Variants in PTPRR observed in about 807,000 individuals in gnomAD.
PTPRR encodes the protein protein tyrosine phosphatase receptor type R, also known as receptor-type tyrosine-protein phosphatase R.
A neutral mutation model predicts 77.2 loss-of-function variants in PTPRR; 38 were observed. That is an observed-to-expected ratio of 0.49 (90% CI 0.38 to 0.65). The LOEUF (loss-of-function observed/expected upper bound fraction) is 0.65, where lower values mean the gene tolerates loss of function less well. PTPRR is among the 30% of genes least tolerant of loss of function. PTPRR has a pLI of 0.00. For synonymous variants in PTPRR, 299 were observed against 283.1 expected, an observed-to-expected ratio of 1.06 and a Z score of -0.57; for missense variants, 744 against 799.2, an observed-to-expected ratio of 0.93 and a Z score of 0.83.
At position 70,843,744 on chromosome 12, in the gene PTPRR, T is replaced by C. The variant is rs191777405; in HGVS notation, c.357+48935A>G. ...TAATATGATTACCAAAAGTGGATTG[T>C]TGTTATTTCTATGAAAATTAAGTTG... On this transcript the variant is annotated intron_variant, in intron 2 of 13. Coordinates refer to ENST00000283228, the MANE Select transcript of PTPRR (RefSeq NM_002849.4). 1.7e-3 allele frequency among the ~76,000 whole-genome samples: 255 copies of C among 152,248 alleles called. 1 individual carries two copies. Among genetic ancestry groups the C allele is most frequent in the African/African-American group, 5.8e-3 (241 of 41,546 alleles).
chr12:70,685,455 C>T (rs1887827504), intron 8 of PTPRR, among the ~76,000 whole-genome samples: 1 of 100,306 alleles, frequency 1.0e-5, no homozygotes, highest in South Asian at 3.7e-4. Context: ...GCCTAGGCAA[C>T]ATAGTGAGAC....
At chr12:70,754,693 G>A (rs1177551681) in intron 4 of PTPRR, 11 of 1,595,894 alleles carry the variant, frequency 6.9e-6, no homozygotes, top group East Asian at 6.7e-5. Context: ...CCTGGATTAC[G>A]TGCTGTACTA....
chr12:70,916,147 TG>T (rs1426510176), intron 1 of PTPRR, among the ~76,000 whole-genome samples: 1 of 151,934 alleles, frequency 6.6e-6, no homozygotes, highest in Non-Finnish European at 1.5e-5. Context: ...ATCTGGGTGA[TG>T]GGGGGAAGGG....
At chr12:70,853,243 TC>T (rs1434608959) in intron 2 of PTPRR, among the ~76,000 whole-genome samples, 1 of 152,230 alleles carries the variant, frequency 6.6e-6, no homozygotes, top group African/African-American at 2.4e-5. Flanking sequence ...TAAGAAAGGT[TC>T]TGCTATAATT....
chr12:70,783,388 T>C (rs976234486), intron 2 of PTPRR, among the ~76,000 whole-genome samples: 1 of 151,988 alleles, frequency 6.6e-6, no homozygotes, highest in Non-Finnish European at 1.5e-5. Context: ...TAGCTGGTAG[T>C]CCCATCTTCC....
In PTPRR at chr12:70,723,712, T is replaced by C. The variant is rs192116323; in HGVS notation, c.1007+22106A>G. ...AAGCATCAACAAATTTACCTTTTTG[T>C]TTTTTTTAAAGATTTTTCTTATTTC... On this transcript the variant is annotated intron_variant, in intron 6 of 13. Coordinates refer to ENST00000283228, the MANE Select transcript of PTPRR (RefSeq NM_002849.4). Among the ~76,000 whole-genome samples the C allele has an allele frequency of 3.2e-3, 491 of 152,042 alleles. 1 individual carries two copies. Among genetic ancestry groups the C allele is most frequent in the Middle Eastern group, 0.017 (5 of 294 alleles).
intron 2 of PTPRR, among the ~76,000 whole-genome samples, chr12:70,865,534 GT>G (rs1892829166): frequency 6.6e-6 from 1 of 152,080 alleles, no homozygotes; most frequent in Non-Finnish European, 1.5e-5. Flanking sequence ...GGCTGAGAGA[GT>G]CAGGCAGAAA....
At chr12:70,738,243 A>G (rs925477568) in intron 6 of PTPRR, among the ~76,000 whole-genome samples, 1 of 152,236 alleles carries the variant, frequency 6.6e-6, no homozygotes, top group African/African-American at 2.4e-5. Flanking sequence ...ATTGTAAATC[A>G]TAACATGTAT....
At chr12:70,750,563 G>C (rs961216064) in intron 5 of PTPRR, among the ~76,000 whole-genome samples, 1 of 152,118 alleles carries the variant, frequency 6.6e-6, no homozygotes, top group African/African-American at 2.4e-5. Context: ...GCTTATTTTA[G>C]ATAATCGCTT....
intron 2 of PTPRR, among the ~76,000 whole-genome samples, chr12:70,817,212 A>C (rs1891919125): frequency 6.6e-6 from 1 of 152,212 alleles, no homozygotes; most frequent in Non-Finnish European, 1.5e-5. Context: ...AAACACTTTA[A>C]TGTGTTTTAA....
intron 6 of PTPRR, among the ~76,000 whole-genome samples, chr12:70,713,735 A>G (rs2136822037): frequency 6.6e-6 from 1 of 152,076 alleles, no homozygotes; most frequent in African/African-American, 2.4e-5. Flanking sequence ...GCCCATTTTT[A>G]ATTTGGGTTG....
At chr12:70,739,364 G>A (rs762363804) in intron 6 of PTPRR, among the ~76,000 whole-genome samples, 11 of 152,126 alleles carry the variant, frequency 7.2e-5, no homozygotes, top group Non-Finnish European at 1.3e-4. Flanking sequence ...TACTACAGAG[G>A]ACTTAATTAA....
At chr12:70,646,645 A>C (rs1886209773) in intron 13 of PTPRR, among the ~76,000 whole-genome samples, 2 of 152,202 alleles carry the variant, frequency 1.3e-5, no homozygotes, top group South Asian at 4.1e-4. Flanking sequence ...AAGTAAATCC[A>C]CACCAATTTC....
intron 13 of PTPRR, among the ~76,000 whole-genome samples, chr12:70,652,306 G>C (rs1886424829): frequency 1.3e-5 from 2 of 152,118 alleles, no homozygotes; most frequent in African/African-American, 4.8e-5. Context: ...CAAGAATAAT[G>C]TGGGAGAAAA....
At chr12:70,831,464 G>GA (rs1269985827) in intron 2 of PTPRR, among the ~76,000 whole-genome samples, 3 of 152,146 alleles carry the variant, frequency 2.0e-5, no homozygotes, top group African/African-American at 7.2e-5. Context: ...AGGCTGGTAA[G>GA]AAAATTGAAA....
intron 2 of PTPRR, among the ~76,000 whole-genome samples, chr12:70,842,284 T>G (rs1247109270): frequency 6.6e-6 from 1 of 152,232 alleles, no homozygotes; most frequent in African/African-American, 2.4e-5. Context: ...TGGAACTGTT[T>G]GTTTAGTGAC....
At chr12:70,773,911 T>C (rs926072531) in intron 2 of PTPRR, among the ~76,000 whole-genome samples, 1 of 152,200 alleles carries the variant, frequency 6.6e-6, no homozygotes, top group Non-Finnish European at 1.5e-5. Context: ...AAAGGACAAG[T>C]AGGATTTGGA....
intron 2 of PTPRR, among the ~76,000 whole-genome samples, chr12:70,876,366 A>G (rs915811786): frequency 6.6e-6 from 1 of 152,224 alleles, no homozygotes; most frequent in Non-Finnish European, 1.5e-5. Flanking sequence ...CATAAAACAC[A>G]TACACAAAGA....
chr12:70,703,581 C>A (rs1196075761), intron 6 of PTPRR, among the ~76,000 whole-genome samples: 1 of 152,132 alleles, frequency 6.6e-6, no homozygotes, highest in Non-Finnish European at 1.5e-5. Flanking sequence ...TTTTTCAGTT[C>A]AGTTCTGGAC....
Sources: gnomAD v4.1 joint callset for allele counts (sites outside exome capture counted in the v4.1 genomes callset) on GRCh38, gnomAD v4.1.1 for gene constraint, MANE v1.5 for transcripts, NCBI Gene and HGNC (gene_info 2026-07-23, HGNC 2026-07-21) for gene names.